The following ADGRG5 variants were observed in gnomAD, a reference collection of about 807,000 sequenced individuals.
ADGRG5 encodes G protein-coupled receptor 114.
Under a neutral mutation model 53.2 loss-of-function variants are expected in ADGRG5, and 37 were observed. That is an observed-to-expected ratio of 0.70 (90% CI 0.53 to 0.91). The LOEUF (loss-of-function observed/expected upper bound fraction) is 0.91, where lower values mean the gene tolerates loss of function less well. Ranked by LOEUF, ADGRG5 falls within the 40% of genes least tolerant of loss-of-function variation. The probability of loss-of-function intolerance (pLI) is 0.00; values close to 1 mark genes in which losing one functional copy is unlikely to be tolerated. For missense variants in ADGRG5, 614 were observed against 675.8 expected (o/e 0.91, Z 1.01); for synonymous variants, 277 against 290.4 (o/e 0.95, Z 0.47).
chr16:57,531,749 C>T, the ADGRG5 span, among the ~76,000 whole-genome samples: 1 of 152,188 alleles, frequency 6.6e-6, no homozygotes, highest in Admixed American at 6.5e-5. Context: ...AGCTCACCTT[C>T]TGTGCTCCTA....
At position 57,562,637 on chromosome 16, in the gene ADGRG5, C is replaced by T. The variant is rs143376893; in HGVS notation, c.140+178C>T. 237 of 587,570 alleles carry T rather than the reference C, an allele frequency of 4.0e-4. 4 individuals carry two copies. In the East Asian group the frequency reaches 6.4e-3, roughly 16 times the overall value. The allele number at this position is 587,570 out of a possible 1,614,324, so 36.4% of individuals were successfully genotyped here. ...ATGTCACTGCCCTCATGAAGTTTAT[C>T]ATCGAGGAATGGGGGCCCTTAATCA... On this transcript the variant is annotated intron_variant, in intron 3 of 11. Coordinates refer to ENST00000349457, the MANE Select transcript of ADGRG5 (RefSeq NM_001304376.3).
chr16:57,548,552 A>G (rs899798873), intron 1 of ADGRG5, among the ~76,000 whole-genome samples: 1 of 152,168 alleles, frequency 6.6e-6, no homozygotes, highest in Non-Finnish European at 1.5e-5. Context: ...ATCAAGACAC[A>G]GAACTGTTCC....
the ADGRG5 span, among the ~76,000 whole-genome samples, chr16:57,529,492 C>T: frequency 6.6e-6 from 1 of 152,188 alleles, no homozygotes; most frequent in African/African-American, 2.4e-5. This position sits in a 1 kb window ranked among gnomAD's most constrained non-coding sequence, Gnocchi z 4.1. Flanking sequence ...CCGCAAAGGC[C>T]TCCTCAGTGG....
At chr16:57,573,885 C>T (rs890391103) in intron 10 of ADGRG5, among the ~76,000 whole-genome samples, 1 of 152,110 alleles carries the variant, frequency 6.6e-6, no homozygotes, top group African/African-American at 2.4e-5. Flanking sequence ...CCACGCCCAG[C>T]TAATTTTTGT....
intron 1 of ADGRG5, among the ~76,000 whole-genome samples, chr16:57,552,262 TGA>T (rs1361740106): frequency 6.6e-6 from 1 of 152,204 alleles, no homozygotes; most frequent in Non-Finnish European, 1.5e-5. Context: ...GCCTGTCCTT[TGA>T]AGCTTTGAAA....
At chr16:57,557,628 C>T (rs1200165533) in intron 1 of ADGRG5, among the ~76,000 whole-genome samples, 2 of 152,138 alleles carry the variant, frequency 1.3e-5, no homozygotes, top group Non-Finnish European at 2.9e-5. Flanking sequence ...ACCATTTGCA[C>T]AGTTCTTGGG....
intron 1 of ADGRG5, among the ~76,000 whole-genome samples, chr16:57,559,178 A>G (rs6499884): frequency 0.47 from 72,089 of 152,060 alleles, 18,921 homozygotes; most frequent in East Asian, 0.7. Context: ...TGTCACTGCA[A>G]CATTGTGGTG....
chr16:57,568,990 T>C (rs2033242650), intron 9 of ADGRG5, among the ~76,000 whole-genome samples: 1 of 142,284 alleles, frequency 7.0e-6, no homozygotes, highest in African/African-American at 2.7e-5. Context: ...CTCCTCCACC[T>C]TCATCATCAC....
intron 1 of ADGRG5, among the ~76,000 whole-genome samples, chr16:57,548,176 C>CTTTT (rs57571395): frequency 2.2e-4 from 31 of 141,724 alleles, no homozygotes; most frequent in African/African-American, 4.1e-4. Context: ...CTATACACAT[C>CTTTT]TTTTTTTTTT....
At chr16:57,543,708 C>T (rs1476225229) in intron 1 of ADGRG5, among the ~76,000 whole-genome samples, 1 of 151,974 alleles carries the variant, frequency 6.6e-6, no homozygotes, top group African/African-American at 2.4e-5. Flanking sequence ...GCTCAGTAGG[C>T]CTTCGTGCTG....
chr16:57,571,992 G>A lies in ADGRG5; in HGVS notation c.1208+1457G>A, dbSNP rs566549508. 2.6e-5 allele frequency among the ~76,000 whole-genome samples: 4 copies of A among 151,928 alleles called. No homozygotes were observed. In the East Asian group the frequency reaches 5.8e-4, roughly 22 times the overall value. On this transcript the variant is annotated intron_variant, in intron 10 of 11. Coordinates refer to ENST00000349457, the MANE Select transcript of ADGRG5 (RefSeq NM_001304376.3). ...GAGGACAAAGGAGCTTTAGTGACAC[G>A]TCCACAGGACCCACTAATGCACAGA...
In ADGRG5 at chr16:57,568,126, T is replaced by G; in HGVS notation, c.1090+2T>G. On this transcript the variant is annotated splice_donor_variant, in intron 9 of 11. Coordinates refer to ENST00000349457, the MANE Select transcript of ADGRG5 (RefSeq NM_001304376.3). LOFTEE classifies it high-confidence loss of function. Reference sequence around the variant, plus strand: ...TCAAGCTTGGTGTGCTAGGCTGGGGTAAGCACATCATCTCTCCTCGCCTCC... The same window carrying G: ...TCAAGCTTGGTGTGCTAGGCTGGGGGAAGCACATCATCTCTCCTCGCCTCC... 1 of 1,613,638 alleles carries G rather than the reference T, an allele frequency of 6.2e-7. No homozygotes were observed. Among genetic ancestry groups the G allele is most frequent in the East Asian group, 2.2e-5 (1 of 44,870 alleles).
At chr16:57,575,316 A>T in intron 11 of ADGRG5, 122 bp from the exon 12 acceptor site, 1 of 1,002,900 alleles carries the variant, frequency 1.0e-6, no homozygotes, top group Non-Finnish European at 1.5e-6. Context: ...CTGGCCTCCT[A>T]CAGTAAGAGA....
At chr16:57,533,024 C>T in the ADGRG5 span, among the ~76,000 whole-genome samples, 8 of 152,326 alleles carry the variant, frequency 5.3e-5, no homozygotes, top group East Asian at 1.9e-4. Flanking sequence ...AGAGGGCCAC[C>T]GGCTTCTTCC....
chr16:57,554,766 T>G (rs2032844887), intron 1 of ADGRG5, among the ~76,000 whole-genome samples: 1 of 152,230 alleles, frequency 6.6e-6, no homozygotes, highest in South Asian at 2.1e-4. Context: ...CATAGATCAC[T>G]GACTTGAAAT....
chr16:57,529,186 C>T, the ADGRG5 span: 8 of 1,178,252 alleles, frequency 6.8e-6, no homozygotes, highest in South Asian at 4.2e-5. This position sits in a 1 kb window ranked among gnomAD's most constrained non-coding sequence, Gnocchi z 4.1. Flanking sequence ...ATGGTGCGGC[C>T]GGGCGGGCCC....
intron 1 of ADGRG5, among the ~76,000 whole-genome samples, chr16:57,551,978 C>T (rs1185104081): frequency 1.3e-5 from 2 of 151,816 alleles, no homozygotes; most frequent in African/African-American, 2.4e-5. Context: ...CATCAGAGCT[C>T]TTGGGTGACT....
chr16:57,553,822 G>C (rs1407974080), intron 1 of ADGRG5, among the ~76,000 whole-genome samples: 1 of 152,098 alleles, frequency 6.6e-6, no homozygotes. Flanking sequence ...AGTAATATTA[G>C]CCTCCTAAAA....
chr16:57,535,997 G>T, the ADGRG5 span, among the ~76,000 whole-genome samples: 1 of 152,248 alleles, frequency 6.6e-6, no homozygotes, highest in South Asian at 2.1e-4. Flanking sequence ...GAACCGCCCC[G>T]CTCCACCTAG....
Sources: gnomAD v4.1 joint callset for allele counts (sites outside exome capture counted in the v4.1 genomes callset) on GRCh38, gnomAD v4.1.1 for gene constraint, Gnocchi (gnomAD v3.1) non-coding constraint, MANE v1.5 for transcripts, NCBI Gene and HGNC (gene_info 2026-07-23, HGNC 2026-07-21) for gene names.